The following COX5A variants were observed in gnomAD, a reference collection of about 807,000 sequenced individuals.
The protein encoded by COX5A is cytochrome c oxidase subunit 5A, mitochondrial.
In COX5A, 6 loss-of-function variants were observed where a neutral mutation model predicts 16.1. The observed-to-expected ratio is 0.37, with a 90% CI of 0.20 to 0.73. COX5A has a LOEUF of 0.73. Ranked by LOEUF, COX5A falls within the 30% of genes least tolerant of loss-of-function variation. COX5A has a pLI of 0.50. For missense variants in COX5A, 159 were observed against 194.9 expected, an observed-to-expected ratio of 0.82 and a Z score of 1.10; for synonymous variants, 73 against 73.8, an observed-to-expected ratio of 0.99 and a Z score of 0.06.
At chr15:74,936,759 T>C (rs12899430) in intron 1 of COX5A, among the ~76,000 whole-genome samples, 56,148 of 150,646 alleles carry the variant, frequency 0.37, 13,221 homozygotes, top group Non-Finnish European at 0.54. Context: ...CCCGAGTAGC[T>C]GGGATTACAG....
intron 4 of COX5A, 123 bp from the exon 5 acceptor site, chr15:74,920,565 T>A: frequency 1.7e-6 from 1 of 599,976 alleles, no homozygotes; most frequent in South Asian, 2.1e-5. Flanking sequence ...TTACTGCTCT[T>A]ACTTAATCCT....
chr15:74,926,032 ATTTTTTTTTTT>A lies in COX5A; in HGVS notation c.339+723_339+733del, dbSNP rs755631696. The stretch of plus-strand genomic sequence containing the variant: ...AGGCATGTGCCACCATGCCCAGCTA[ATTTTTTTTTTT>A]TTTTTTTTTTTTTTGAGACAGAGTC... On this transcript the variant is annotated intron_variant, in intron 3 of 4. Coordinates refer to ENST00000322347, the MANE Select transcript of COX5A (RefSeq NM_004255.4). Among the ~76,000 whole-genome samples the A allele has an allele frequency of 1.3e-4, 14 of 107,648 alleles. 1 individual carries two copies. In the South Asian group the frequency reaches 3.2e-3, roughly 24 times the overall value. 70.6% of individuals were successfully genotyped at this position (107,648 alleles called of 152,430 possible). A position where few individuals can be genotyped will look rare whatever the true frequency, so the allele number is the denominator to read the frequency against.
intron 1 of COX5A, among the ~76,000 whole-genome samples, chr15:74,931,944 T>C (rs1287380412): frequency 6.6e-6 from 1 of 152,194 alleles, no homozygotes; most frequent in Non-Finnish European, 1.5e-5. Context: ...GGTAGGGGGA[T>C]AGGCGGAGGC....
At position 74,921,708 on chromosome 15, in the gene COX5A, C is replaced by G. The variant is rs182266307; in HGVS notation, c.*10-1266G>C. On this transcript the variant is annotated intron_variant, in intron 4 of 4. Coordinates refer to ENST00000322347, the MANE Select transcript of COX5A (RefSeq NM_004255.4). ...TCGTGCCACTGTACTCCAGCCTGGG[C>G]GACAGAGTGAGACTCCGTCTCAAAA... Among the ~76,000 whole-genome samples the G allele has an allele frequency of 1.9e-3, 289 of 151,990 alleles. 2 individuals are homozygous for G. The highest frequency in any genetic ancestry group is 6.8e-3 in the African/African-American group (282 of 41,460).
intron 3 of COX5A, among the ~76,000 whole-genome samples, chr15:74,925,533 C>T (rs1166364176): frequency 6.6e-6 from 1 of 151,514 alleles, no homozygotes; most frequent in African/African-American, 2.4e-5. Flanking sequence ...GGATTACAGG[C>T]ATGCACCCCC....
At chr15:74,925,213 T>C (rs984395212) in intron 3 of COX5A, among the ~76,000 whole-genome samples, 22 of 151,476 alleles carry the variant, frequency 1.5e-4, no homozygotes, top group African/African-American at 5.3e-4. Flanking sequence ...GGCAGAAGAA[T>C]TGCTTGAACC....
At chr15:74,935,954 C>T (rs1282414351) in intron 1 of COX5A, among the ~76,000 whole-genome samples, 2 of 151,500 alleles carry the variant, frequency 1.3e-5, no homozygotes, top group Non-Finnish European at 2.9e-5. Flanking sequence ...CAGGATGGCC[C>T]AAACATAACT....
At chr15:74,936,398 T>C (rs1349526335) in intron 1 of COX5A, among the ~76,000 whole-genome samples, 2 of 151,858 alleles carry the variant, frequency 1.3e-5, no homozygotes, top group Non-Finnish European at 2.9e-5. Context: ...ATCTCTAAAG[T>C]ACACTCTAGG....
rs1371285559 is a variant in COX5A, at chr15:74,937,895, G to C, written c.100+20C>G. 1 of 1,224,152 alleles carries C rather than the reference G, an allele frequency of 8.2e-7. No homozygotes were observed. The highest frequency in any genetic ancestry group is 3.1e-4 in the Middle Eastern group (1 of 3,212). 75.8% of individuals were successfully genotyped at this position (1,224,152 alleles called of 1,614,324 possible). A position where few individuals can be genotyped will look rare whatever the true frequency, so the allele number is the denominator to read the frequency against. On this transcript the variant is annotated intron_variant, in intron 1 of 4. Transcript: ENST00000322347. ...CCGCAAGGACACGAGGGCGCGGGCA[G>C]TGGCAAGCAGGGGCCTTACCCACGG... is the stretch of plus-strand genomic sequence containing the variant.
At chr15:74,928,390 T>TC (rs555962450) in intron 2 of COX5A, among the ~76,000 whole-genome samples, 1 of 149,898 alleles carries the variant, frequency 6.7e-6, no homozygotes, top group East Asian at 1.9e-4. Flanking sequence ...TGTAAATTCT[T>TC]TTTTTTTTTT....
At position 74,926,792 on chromosome 15, in the gene COX5A, T is replaced by C. The variant is rs1164101433; in HGVS notation, c.313A>G (p.Thr105Ala). The C allele has an allele frequency of 2.5e-6, 4 of 1,613,764 alleles. No individual in the cohort carries two copies. Among genetic ancestry groups the C allele is most frequent in the Non-Finnish European group, 3.4e-6 (4 of 1,179,914 alleles). The stretch of plus-strand genomic sequence containing the variant: ...TTAACAACCTCTAGGATACGAACTG[T>C]ACTAGCAAAATCATTTAACCGTCTG... Reference protein sequence around the residue: ...ACRRLNDFASTVRILEVVKDK... With the variant: ...ACRRLNDFASAVRILEVVKDK... The change falls in exon 3 of 5, where the codon ACA becomes GCA. Residue 105 changes from threonine to alanine, a missense_variant. By Grantham distance (58) the Thr-to-Ala change is moderately conservative. Coordinates refer to ENST00000322347, the MANE Select transcript of COX5A (RefSeq NM_004255.4).
At chr15:74,924,892 C>T (rs1185558087) in intron 3 of COX5A, among the ~76,000 whole-genome samples, 2 of 152,174 alleles carry the variant, frequency 1.3e-5, no homozygotes, top group African/African-American at 4.8e-5. Flanking sequence ...TTCTTTCTTA[C>T]AGACCACAGT....
At chr15:74,934,323 GTGA>G (rs924521939) in intron 1 of COX5A, among the ~76,000 whole-genome samples, 2 of 151,712 alleles carry the variant, frequency 1.3e-5, no homozygotes, top group South Asian at 2.1e-4. Flanking sequence ...CTCTCCCCAC[GTGA>G]TTTAAATTTT....
At chr15:74,925,942 T>G (rs1214091943) in intron 3 of COX5A, among the ~76,000 whole-genome samples, 2 of 151,538 alleles carry the variant, frequency 1.3e-5, no homozygotes, top group African/African-American at 4.8e-5. Context: ...CTCAGCTCAC[T>G]GCTACCTCCG....
At chr15:74,926,262 G>A (rs1306372019) in intron 3 of COX5A, among the ~76,000 whole-genome samples, 3 of 150,766 alleles carry the variant, frequency 2.0e-5, no homozygotes, top group African/African-American at 7.3e-5. Context: ...GGATGGTTTC[G>A]ATCTCCTGAC....
intron 1 of COX5A, among the ~76,000 whole-genome samples, chr15:74,933,428 TATCTATCTATCTATC>T (rs2065375725): frequency 1.5e-5 from 1 of 67,186 alleles, no homozygotes; most frequent in African/African-American, 7.2e-5. Context: ...AATATCTATC[TATCTATCTATCTATC>T]TATCTATCTA....
At chr15:74,925,723 A>C (rs116259177) in intron 3 of COX5A, among the ~76,000 whole-genome samples, 1 of 152,054 alleles carries the variant, frequency 6.6e-6, no homozygotes, top group Non-Finnish European at 1.5e-5. Context: ...ACATTTCTAC[A>C]GTATCAACAG....
intron 1 of COX5A, among the ~76,000 whole-genome samples, chr15:74,932,937 C>CT (rs1284162955): frequency 1.3e-5 from 2 of 151,614 alleles, no homozygotes; most frequent in African/African-American, 4.8e-5. Context: ...ACCTCATGAT[C>CT]TGCCTGCCTC....
intron 1 of COX5A, among the ~76,000 whole-genome samples, chr15:74,931,016 C>CCAA (rs2065364796): frequency 1.3e-4 from 3 of 23,732 alleles, no homozygotes; most frequent in Admixed American, 1.2e-3. Context: ...GACTCTGTCT[C>CCAA]AAAAAAAAAA....
Sources: allele counts gnomAD v4.1 joint callset (sites outside exome capture counted in the v4.1 genomes callset), GRCh38; gene constraint gnomAD v4.1.1; transcripts MANE v1.5; gene names NCBI Gene and HGNC (gene_info 2026-07-23, HGNC 2026-07-21).